OTOGL: variants seen among roughly 807,000 people sequenced by gnomAD.
The protein encoded by OTOGL is otogelin-like protein.
In OTOGL, 285 loss-of-function variants were observed where a neutral mutation model predicts 318.5. The observed-to-expected ratio is 0.89, with a 90% CI of 0.81 to 0.99. OTOGL has a LOEUF of 0.99. OTOGL is among the 50% of genes least tolerant of loss of function. OTOGL has a pLI of 0.00. For synonymous variants in OTOGL, 987 were observed against 936.5 expected (o/e 1.05, Z -0.99); for missense variants, 2,899 against 2,845.6 (o/e 1.02, Z -0.43).
At chr12:80,277,756 G>T (rs1388430632) in intron 24 of OTOGL, among the ~76,000 whole-genome samples, 2 of 151,446 alleles carry the variant, frequency 1.3e-5, no homozygotes, top group Non-Finnish European at 3.0e-5. Context: ...TAACAAAAAT[G>T]TTAACCATTT....
At chr12:80,138,915 T>C (rs1344546585) in intron 1 of OTOGL, among the ~76,000 whole-genome samples, 1 of 152,144 alleles carries the variant, frequency 6.6e-6, no homozygotes. Flanking sequence ...TCTGAACATG[T>C]CCAGTGTGGT....
At chr12:80,354,015 C>T (rs1889722608) in intron 46 of OTOGL, among the ~76,000 whole-genome samples, 1 of 152,054 alleles carries the variant, frequency 6.6e-6, no homozygotes, top group South Asian at 2.1e-4. Flanking sequence ...TGATTTGTTC[C>T]CACCAAAACT....
chr12:80,126,784 C>G (rs1394468477), intron 1 of OTOGL, among the ~76,000 whole-genome samples: 20 of 152,158 alleles, frequency 1.3e-4, no homozygotes, highest in Non-Finnish European at 2.5e-4. Context: ...GATCCCTTTA[C>G]CATTATGTAA....
chr12:80,337,789 A>G (rs1412325403), intron 42 of OTOGL, among the ~76,000 whole-genome samples: 1 of 152,150 alleles, frequency 6.6e-6, no homozygotes, highest in Non-Finnish European at 1.5e-5. Flanking sequence ...TGAAAAGAAT[A>G]TTAAAATGAG....
intron 33 of OTOGL, among the ~76,000 whole-genome samples, chr12:80,319,669 G>T (rs566852450): frequency 7.0e-4 from 106 of 152,146 alleles, no homozygotes; most frequent in African/African-American, 2.3e-3. Flanking sequence ...TTTACGATTA[G>T]TAATAACTAA....
In OTOGL at chr12:80,368,307, G is replaced by C. The variant is rs374634079; in HGVS notation, c.6613G>C (p.Ala2205Pro). The part of the protein sequence containing the change: ...HMENGTSVVY[A>P]VGSTWHYNCT... ...GGAAAATGGAACATCAGTTGTATAC[G>C]CGGTATGTTTCATGGAGAGTAATGC... is the stretch of plus-strand genomic sequence containing the variant. Residue 2205 changes from alanine to proline, a missense_variant and splice_region_variant, in exon 55 of 59, where the codon GCG (alanine) becomes CCG (proline). Transcript: ENST00000547103. 2 of 1,575,878 alleles carry C rather than the reference G, an allele frequency of 1.3e-6. No individual in the cohort carries two copies. Among genetic ancestry groups the C allele is most frequent in the South Asian group, 2.3e-5 (2 of 87,082 alleles).
chr12:80,315,320 C>G (rs1443490843), intron 32 of OTOGL, among the ~76,000 whole-genome samples: 2 of 152,080 alleles, frequency 1.3e-5, no homozygotes, highest in Admixed American at 1.3e-4. Context: ...CTTATTGATA[C>G]AATAATAATG....
Position 80,370,555 on chromosome 12 carries a change from CT to C in OTOGL, c.6616-10del, listed in dbSNP as rs1566022032. ...TTTTAATATGCTAAATAGTAACTTT[CT>C]TTTTGATTTTTAGGTAGGGAGTACC... On this transcript the variant is annotated splice_polypyrimidine_tract_variant and intron_variant, in intron 55 of 58. Transcript: ENST00000547103. 4 of 1,497,678 alleles carry C rather than the reference CT, an allele frequency of 2.7e-6. No homozygotes were observed. The South Asian group carries it at 4.2e-5, about 16-fold the overall frequency. 92.8% of individuals were successfully genotyped at this position (1,497,678 alleles called of 1,614,324 possible).
chr12:80,268,670 C>A (rs1883184203), intron 22 of OTOGL, among the ~76,000 whole-genome samples: 1 of 152,108 alleles, frequency 6.6e-6, no homozygotes, highest in Non-Finnish European at 1.5e-5. Flanking sequence ...GCTCAAAACA[C>A]CTAATCAGTA....
At chr12:80,201,409 C>A (rs1876446158) in intron 1 of OTOGL, among the ~76,000 whole-genome samples, 1 of 151,972 alleles carries the variant, frequency 6.6e-6, no homozygotes, top group African/African-American at 2.4e-5. Context: ...AGAGAGGGAG[C>A]AAGAGAGCGA....
At position 80,279,730 on chromosome 12, in the gene OTOGL, G is replaced by T. The variant is rs139573702; in HGVS notation, c.2928+564G>T. 2.6e-3 allele frequency among the ~76,000 whole-genome samples: 393 copies of T among 151,834 alleles called. 1 individual carries two copies. Among genetic ancestry groups the T allele is most frequent in the Middle Eastern group, 6.8e-3 (2 of 292 alleles). ...GTTGATTCCATGTCTTTGCTATTGT[G>T]AGTAGTGCTGCAATGAATGTATGCA... On this transcript the variant is annotated intron_variant, in intron 26 of 58. Coordinates refer to ENST00000547103, the MANE Select transcript of OTOGL (RefSeq NM_001378609.3).
At chr12:80,281,116 C>T (rs1282957025) in intron 26 of OTOGL, among the ~76,000 whole-genome samples, 2 of 151,660 alleles carry the variant, frequency 1.3e-5, no homozygotes, top group Admixed American at 1.3e-4. Context: ...TGAGGTTTTC[C>T]AGGTGTAGAA....
At chr12:80,140,160 C>T (rs764464069) in intron 1 of OTOGL, among the ~76,000 whole-genome samples, 10 of 152,182 alleles carry the variant, frequency 6.6e-5, no homozygotes, top group Admixed American at 1.3e-4. Context: ...GAGTCTACCT[C>T]ATTTCTCATG....
Position 80,287,841 on chromosome 12 carries a change from C to A in OTOGL, c.2928+8675C>A, listed in dbSNP as rs566428224. Among the ~76,000 whole-genome samples the A allele has an allele frequency of 2.0e-5, 3 of 152,138 alleles. 1 individual carries two copies. The highest frequency in any genetic ancestry group is 7.2e-5 in the African/African-American group (3 of 41,490). ...AATATAGCACAGCAATGGGTCTTGA[C>A]TCCTTGTCCAATTTGCCAGTCTGTG... On this transcript the variant is annotated intron_variant, in intron 26 of 58. Transcript: ENST00000547103.
chr12:80,148,422 C>T (rs1437087414), intron 1 of OTOGL, among the ~76,000 whole-genome samples: 78 of 149,710 alleles, frequency 5.2e-4, no homozygotes, highest in African/African-American at 1.5e-3. Flanking sequence ...CCGAGAGATC[C>T]GCTGTTAGTC....
intron 1 of OTOGL, among the ~76,000 whole-genome samples, chr12:80,123,177 C>G (rs1235801319): frequency 6.6e-6 from 1 of 152,058 alleles, no homozygotes; most frequent in Non-Finnish European, 1.5e-5. Context: ...AATGCTATCC[C>G]TCCCCCTTCC....
At chr12:80,293,751 C>T (rs1221327403) in intron 26 of OTOGL, among the ~76,000 whole-genome samples, 2 of 151,672 alleles carry the variant, frequency 1.3e-5, no homozygotes, top group African/African-American at 4.9e-5. Context: ...TAAAAAAAAT[C>T]AGTATTTTCT....
chr12:80,143,912 C>T (rs1337374746), intron 1 of OTOGL, among the ~76,000 whole-genome samples: 1 of 151,980 alleles, frequency 6.6e-6, no homozygotes, highest in Non-Finnish European at 1.5e-5. Context: ...CTAGTTCTTC[C>T]ATGCTAAAAG....
At chr12:80,202,419 C>T (rs935484880) in intron 1 of OTOGL, among the ~76,000 whole-genome samples, 13 of 151,784 alleles carry the variant, frequency 8.6e-5, no homozygotes, top group South Asian at 4.2e-4. Flanking sequence ...TACAGGCACT[C>T]GACACCACGC....
Sources: allele counts gnomAD v4.1 joint callset (sites outside exome capture counted in the v4.1 genomes callset), GRCh38; gene constraint gnomAD v4.1.1; transcripts MANE v1.5; gene names NCBI Gene and HGNC (gene_info 2026-07-23, HGNC 2026-07-21).